The following STAT5B variants were observed in gnomAD, a reference collection of about 807,000 sequenced individuals.
The protein encoded by STAT5B is transcription factor STAT5B.
In STAT5B, 21 loss-of-function variants were observed where a neutral mutation model predicts 107.8. The ratio of observed to expected loss-of-function variants is 0.19; its 90% CI spans 0.14 to 0.28. The LOEUF (loss-of-function observed/expected upper bound fraction) is 0.28, where lower values mean the gene tolerates loss of function less well. Ranked by LOEUF, STAT5B falls within the 10% of genes least tolerant of loss-of-function variation. The pLI is 1.00. For missense variants in STAT5B, 565 were observed against 1,008.2 expected, an observed-to-expected ratio of 0.56 and a Z score of 5.95; for synonymous variants, 325 against 401.7, an observed-to-expected ratio of 0.81 and a Z score of 2.28.
chr17:42,225,400 C>G (rs1452433467), intron 3 of STAT5B, among the ~76,000 whole-genome samples: 2 of 152,154 alleles, frequency 1.3e-5, no homozygotes, highest in Non-Finnish European at 2.9e-5. Context: ...GTTTTAAAAG[C>G]CTCGCAAGAG....
chr17:42,227,762 C>T, intron 2 of STAT5B, 77 bp from the exon 3 acceptor site: 3 of 1,482,276 alleles, frequency 2.0e-6, no homozygotes, highest in Non-Finnish European at 2.8e-6. Flanking sequence ...ACACATCCTA[C>T]TTTTTCTTCA....
chr17:42,203,202 A>G (rs1296107183), intron 16 of STAT5B, among the ~76,000 whole-genome samples: 1 of 152,160 alleles, frequency 6.6e-6, no homozygotes, highest in Non-Finnish European at 1.5e-5. Context: ...TGGCCCCCCA[A>G]GGTGCTGGGA....
intron 1 of STAT5B, among the ~76,000 whole-genome samples, chr17:42,266,559 A>T (rs1040404161): frequency 6.6e-6 from 1 of 151,852 alleles, no homozygotes; most frequent in African/African-American, 2.4e-5. Flanking sequence ...AAAAAAAAAA[A>T]AAAAAATCAT....
At chr17:42,276,523 T>A (rs1459868361), upstream of STAT5B, 1 of 151,026 alleles carries the variant, frequency 6.6e-6, no homozygotes, top group Non-Finnish European at 1.5e-5. The surrounding 1 kb of genome is among the most constrained non-coding windows in gnomAD (Gnocchi z 4.8). Flanking sequence ...GCTAGCCCGC[T>A]GTCCCTCGCG....
chr17:42,279,279 G>A (rs192607577), upstream of STAT5B, among the ~76,000 whole-genome samples: 45 of 152,146 alleles, frequency 3.0e-4, no homozygotes, highest in East Asian at 7.7e-4. Flanking sequence ...CTATCTTCTC[G>A]TTTGTAATGT....
intron 3 of STAT5B, among the ~76,000 whole-genome samples, 164 bp from the exon 4 acceptor site, chr17:42,225,032 A>G (rs2080261517): frequency 6.6e-6 from 1 of 152,108 alleles, no homozygotes; most frequent in Admixed American, 6.6e-5. Context: ...ATCCAATTGC[A>G]GTGAAAAGGT....
intron 1 of STAT5B, among the ~76,000 whole-genome samples, chr17:42,243,979 A>G (rs2144335144): frequency 6.6e-6 from 1 of 151,770 alleles, no homozygotes; most frequent in East Asian, 1.9e-4. Context: ...GACTAAAAGC[A>G]CTTGCTGTAG....
rs540997279 is a variant in STAT5B, at chr17:42,213,987, T to C, written c.1474-1797A>G. On this transcript the variant is annotated intron_variant, in intron 12 of 18. Coordinates refer to ENST00000293328, the MANE Select transcript of STAT5B (RefSeq NM_012448.4). ...TGAGACCTGGTCTCTACTAAAAATA[T>C]AAAAAATTAATTGGGCGTGGTGGCA... Among the ~76,000 whole-genome samples the C allele has an allele frequency of 1.9e-4, 29 of 150,948 alleles. No homozygotes were observed. The South Asian group carries it at 3.1e-3, about 16-fold the overall frequency.
In STAT5B at chr17:42,211,086, G is replaced by A. The variant is rs549376304; in HGVS notation, c.1681-589C>T. Among the ~76,000 whole-genome samples the A allele has an allele frequency of 9.3e-3, 1,412 of 151,430 alleles. 16 individuals carry two copies. Among genetic ancestry groups the A allele is most frequent in the African/African-American group, 0.033 (1,353 of 41,280 alleles). On this transcript the variant is annotated intron_variant, in intron 13 of 18. Coordinates refer to ENST00000293328, the MANE Select transcript of STAT5B (RefSeq NM_012448.4). ...CATGGTGGCGGGTGCCTGTAATCCC[G>A]GCTACTCAGGAGGCTGAGACAGGAG...
rs1365904259 is a variant in STAT5B, at chr17:42,224,797, C to A, written c.357G>T (p.Leu119Phe). The stretch of plus-strand genomic sequence containing the variant: ...CACTCACATTGTTGGCTTCTCGGAC[C>A]AACCTCTGTTCATTGTACAATATAT... ...IRHILYNEQR[L>F]VREANNGSSP... The change falls in exon 4 of 19, where the codon TTG (leucine) becomes TTT (phenylalanine). Residue 119 changes from leucine to phenylalanine, a missense_variant. Physicochemically the swap from Leu to Phe is conservative, Grantham distance 22. Around this residue, in one of 11 missense-constraint regions of STAT5B, gnomAD observed 54 missense variants for 49.7 expected, o/e 1.09. Coordinates refer to ENST00000293328, the MANE Select transcript of STAT5B (RefSeq NM_012448.4). 1 of 1,613,726 alleles carries A rather than the reference C, an allele frequency of 6.2e-7. No homozygotes were observed. Among genetic ancestry groups the A allele is most frequent in the Non-Finnish European group, 8.5e-7 (1 of 1,179,852 alleles).
At chr17:42,241,412 T>A (rs921929939) in intron 1 of STAT5B, among the ~76,000 whole-genome samples, 1 of 151,106 alleles carries the variant, frequency 6.6e-6, no homozygotes, top group Admixed American at 6.6e-5. Flanking sequence ...CATTATTAAA[T>A]ATATTAAATG....
At chr17:42,259,489 G>A (rs1397066409) in intron 1 of STAT5B, among the ~76,000 whole-genome samples, 1 of 151,972 alleles carries the variant, frequency 6.6e-6, no homozygotes, top group East Asian at 1.9e-4. Flanking sequence ...CTTTCTTTAG[G>A]TAAGAGACAC....
At chr17:42,238,481 G>A (rs1292664878) in intron 1 of STAT5B, among the ~76,000 whole-genome samples, 2 of 138,376 alleles carry the variant, frequency 1.4e-5, no homozygotes, top group Non-Finnish European at 3.1e-5. Context: ...TTAAGGCAGA[G>A]TCTCGTTCTG....
intron 3 of STAT5B, 111 bp downstream of exon 3, chr17:42,227,418 T>G (rs2080282726): frequency 6.9e-7 from 1 of 1,453,026 alleles, no homozygotes; most frequent in Non-Finnish European, 9.4e-7. Flanking sequence ...AACAAGAACC[T>G]TATGCACGTG....
chr17:42,256,935 C>T (rs963582933), intron 1 of STAT5B, among the ~76,000 whole-genome samples: 2 of 145,772 alleles, frequency 1.4e-5, no homozygotes, highest in South Asian at 2.2e-4. Context: ...TAATCTCTTA[C>T]TGTGCCTAAT....
intron 3 of STAT5B, among the ~76,000 whole-genome samples, chr17:42,226,535 C>T (rs1331573727): frequency 1.3e-5 from 2 of 151,398 alleles, no homozygotes; most frequent in Middle Eastern, 3.3e-3. Flanking sequence ...GGGCTGGGTG[C>T]GGTGGCTCAT....
intron 12 of STAT5B, chr17:42,214,072 G>T: frequency 2.9e-6 from 1 of 344,190 alleles, no homozygotes; most frequent in Non-Finnish European, 4.1e-6. Context: ...GAATCCAGAA[G>T]GCAGAAGCTG....
intron 1 of STAT5B, among the ~76,000 whole-genome samples, chr17:42,262,934 GTATA>G (rs1177579162): frequency 1.9e-4 from 7 of 36,824 alleles, no homozygotes; most frequent in Admixed American, 3.0e-4. Context: ...ATATATATAT[GTATA>G]TATATGTGTG....
chr17:42,266,789 A>G (rs1329176867), intron 1 of STAT5B, among the ~76,000 whole-genome samples: 1 of 152,148 alleles, frequency 6.6e-6, no homozygotes, highest in Non-Finnish European at 1.5e-5. Flanking sequence ...TGTGAATTGT[A>G]GCCATGCCAC....
Sources: allele counts gnomAD v4.1 joint callset (sites outside exome capture counted in the v4.1 genomes callset), GRCh38; gene constraint gnomAD v4.1.1; regional missense constraint gnomAD v4.1.1; non-coding constraint Gnocchi (gnomAD v3.1); transcripts MANE v1.5; gene names NCBI Gene and HGNC (gene_info 2026-07-23, HGNC 2026-07-21).